MAPK10: variants seen among roughly 807,000 people sequenced by gnomAD.
MAPK10 encodes JNK3 alpha protein kinase.
A neutral mutation model predicts 59.3 loss-of-function variants in MAPK10; 25 were observed. The observed-to-expected ratio is 0.42, with a 90% CI of 0.31 to 0.59. The LOEUF (loss-of-function observed/expected upper bound fraction) is 0.59, where lower values mean the gene tolerates loss of function less well. Ranked by LOEUF, MAPK10 falls within the 20% of genes least tolerant of loss-of-function variation. The pLI is 0.15. For missense variants in MAPK10, 351 were observed against 568.9 expected, an observed-to-expected ratio of 0.62 and a Z score of 3.90; for synonymous variants, 190 against 200.5, an observed-to-expected ratio of 0.95 and a Z score of 0.44.
At chr4:86,505,809 C>A (rs1006899148) in intron 1 of MAPK10, among the ~76,000 whole-genome samples, 5 of 152,064 alleles carry the variant, frequency 3.3e-5, no homozygotes, top group African/African-American at 1.2e-4. Flanking sequence ...AAATTGTACT[C>A]ATTTTCAAAT....
intron 1 of MAPK10, among the ~76,000 whole-genome samples, chr4:86,366,607 C>A (rs776950636): frequency 1.3e-5 from 2 of 151,972 alleles, no homozygotes; most frequent in Non-Finnish European, 2.9e-5. Context: ...GTGAGGCAGA[C>A]AATTGATGGA....
chr4:86,500,539 T>A (rs190427244), intron 1 of MAPK10, among the ~76,000 whole-genome samples: 6 of 152,148 alleles, frequency 3.9e-5, no homozygotes, highest in Non-Finnish European at 7.4e-5. Flanking sequence ...TTGTTGTAAT[T>A]ACACCTATGC....
chr4:86,136,385 A>G (rs2062097418), intron 4 of MAPK10, among the ~76,000 whole-genome samples: 1 of 152,166 alleles, frequency 6.6e-6, no homozygotes, highest in African/African-American at 2.4e-5. Context: ...AATATTCAAC[A>G]TTCTTAAAGA....
chr4:86,482,773 A>G (rs1753704229), intron 1 of MAPK10, among the ~76,000 whole-genome samples: 1 of 152,206 alleles, frequency 6.6e-6, no homozygotes, highest in Non-Finnish European at 1.5e-5. Context: ...CAAGAGAATC[A>G]GGCACAGAAT....
Position 86,017,277 on chromosome 4 carries a change from G to A in MAPK10, c.1346C>T (p.Thr449Ile), listed in dbSNP as rs1743703758. The A allele has an allele frequency of 6.2e-7, 1 of 1,614,192 alleles. No homozygotes were observed. Among genetic ancestry groups the A allele is most frequent in the Non-Finnish European group, 8.5e-7 (1 of 1,180,018 alleles). The change falls in exon 14 of 14, where the codon ACT becomes ATT. Residue 449 changes from threonine (T) to isoleucine (I), a missense_variant. Coordinates refer to ENST00000641462, the MANE Select transcript of MAPK10 (RefSeq NM_138982.4). This position sits in a 1 kb window ranked among gnomAD's most constrained non-coding sequence, Gnocchi z 4.4. ...TGCCGAGGCTTCCAGGCTGCTGTCA[G>A]TGTCAGATGCCAGGGTCTGGTCGGT... Reference protein sequence around the residue: ...MSTDQTLASDTDSSLEASAGP... With the variant: ...MSTDQTLASDIDSSLEASAGP...
intron 1 of MAPK10, among the ~76,000 whole-genome samples, chr4:86,476,061 T>G (rs1753066412): frequency 6.6e-6 from 1 of 152,196 alleles, no homozygotes; most frequent in Admixed American, 6.5e-5. Context: ...CCGAGATGCC[T>G]GACGTCCAGG....
chr4:86,460,442 T>C (rs945238498), intron 1 of MAPK10, among the ~76,000 whole-genome samples: 10 of 152,098 alleles, frequency 6.6e-5, no homozygotes, highest in Non-Finnish European at 4.4e-5. Context: ...ACATGGGAAC[T>C]GGATATGTGA....
intron 3 of MAPK10, among the ~76,000 whole-genome samples, chr4:86,188,518 T>C (rs2078836402): frequency 6.6e-6 from 1 of 152,194 alleles, no homozygotes; most frequent in Admixed American, 6.5e-5. Context: ...CTTTTTTTCA[T>C]ATGTTTGTTG....
rs1271756176 is a variant in MAPK10 at position 86,101,046 on chromosome 4, C to G, written c.730+6G>C. 1.2e-6 allele frequency: 2 copies of G among 1,612,882 alleles called. No individual in the cohort carries two copies. Among genetic ancestry groups the G allele is most frequent in the South Asian group, 2.2e-5 (2 of 90,976 alleles). On this transcript the variant is annotated splice_donor_region_variant and intron_variant, in intron 8 of 13. Coordinates refer to ENST00000641462, the MANE Select transcript of MAPK10 (RefSeq NM_138982.4). ...TTTTGATGCTGCTCTCCCGAAGCAT[C>G]CCTACCGTTCTCCTTGTAGCCCATC...
chr4:86,547,030 C>T (rs908738891), intron 1 of MAPK10, among the ~76,000 whole-genome samples: 1 of 151,888 alleles, frequency 6.6e-6, no homozygotes, highest in South Asian at 2.1e-4. Flanking sequence ...CCAGCCTGGG[C>T]GACAGAGCGA....
At chr4:86,477,006 G>C (rs1753146137) in intron 1 of MAPK10, among the ~76,000 whole-genome samples, 1 of 152,126 alleles carries the variant, frequency 6.6e-6, no homozygotes. Context: ...CTGGAACTCT[G>C]ACCCAAGGCT....
intron 2 of MAPK10, among the ~76,000 whole-genome samples, chr4:86,253,386 G>A (rs1453863348): frequency 5.9e-5 from 7 of 118,020 alleles, no homozygotes; most frequent in South Asian, 5.1e-4. Context: ...AGCATGAAGC[G>A]TTGTTGAATT....
At chr4:86,229,599 G>A (rs2091225257) in intron 2 of MAPK10, among the ~76,000 whole-genome samples, 1 of 151,936 alleles carries the variant, frequency 6.6e-6, no homozygotes, top group Non-Finnish European at 1.5e-5. Context: ...ATCCTTAATG[G>A]TTAACTAAAA....
intron 2 of MAPK10, among the ~76,000 whole-genome samples, chr4:86,300,018 G>A (rs1202694731): frequency 1.3e-5 from 2 of 151,910 alleles, no homozygotes; most frequent in African/African-American, 4.8e-5. Flanking sequence ...TCAGCCTCCT[G>A]AGTAGCTGGG....
At chr4:86,259,626 C>A (rs1342537222) in intron 2 of MAPK10, among the ~76,000 whole-genome samples, 1 of 152,002 alleles carries the variant, frequency 6.6e-6, no homozygotes, top group Non-Finnish European at 1.5e-5. Flanking sequence ...TCAAAGAAAG[C>A]CTTGCTTTCA....
intron 1 of MAPK10, among the ~76,000 whole-genome samples, chr4:86,426,917 G>A (rs1335515707): frequency 6.6e-6 from 1 of 151,916 alleles, no homozygotes; most frequent in Non-Finnish European, 1.5e-5. Context: ...GAAAGTCAGT[G>A]CCTAATTTTT....
intron 9 of MAPK10, among the ~76,000 whole-genome samples, chr4:86,088,359 GT>G (rs2052394181): frequency 6.6e-6 from 1 of 151,880 alleles, no homozygotes; most frequent in Non-Finnish European, 1.5e-5. Context: ...TTTTATTTTT[GT>G]TTTTTGTAGA....
At chr4:86,100,826 C>T (rs2055216834) in intron 8 of MAPK10, 1 of 434,260 alleles carries the variant, frequency 2.3e-6, no homozygotes, top group African/African-American at 2.0e-5. Flanking sequence ...TTCTTTTTCA[C>T]TATTAACATT....
At chr4:86,511,898 G>C (rs1038477849) in intron 1 of MAPK10, among the ~76,000 whole-genome samples, 3 of 150,228 alleles carry the variant, frequency 2.0e-5, no homozygotes, top group African/African-American at 7.3e-5. Flanking sequence ...GAAGAAAGGA[G>C]AAGAATGAGG....
Sources: gnomAD v4.1 joint callset for allele counts (sites outside exome capture counted in the v4.1 genomes callset) on GRCh38, gnomAD v4.1.1 for gene constraint, Gnocchi (gnomAD v3.1) non-coding constraint, MANE v1.5 for transcripts, NCBI Gene and HGNC (gene_info 2026-07-23, HGNC 2026-07-21) for gene names.